KLHL1: variants seen among roughly 807,000 people sequenced by gnomAD.
KLHL1 encodes kelch-like protein 1.
A neutral mutation model predicts 77.7 loss-of-function variants in KLHL1; 47 were observed. The ratio of observed to expected loss-of-function variants is 0.60; its 90% CI spans 0.48 to 0.77. The LOEUF (loss-of-function observed/expected upper bound fraction) is 0.77, where lower values mean the gene tolerates loss of function less well. Ranked by LOEUF, KLHL1 falls within the 30% of genes least tolerant of loss-of-function variation. The pLI is 0.00. For synonymous variants in KLHL1, 360 were observed against 325.2 expected (o/e 1.11, Z -1.15); for missense variants, 925 against 910.8 (o/e 1.02, Z -0.20).
chr13:69,780,711 T>TATATATAC (rs1566243654), intron 7 of KLHL1, among the ~76,000 whole-genome samples: 13 of 40,016 alleles, frequency 3.2e-4, no homozygotes, highest in Non-Finnish European at 5.9e-4. Flanking sequence ...TGTATATATA[T>TATATATAC]ATATGTATAT....
At chr13:70,085,604 T>C (rs1887516688) in intron 1 of KLHL1, among the ~76,000 whole-genome samples, 1 of 152,154 alleles carries the variant, frequency 6.6e-6, no homozygotes, top group Admixed American at 6.6e-5. Flanking sequence ...TGGCTCGTGC[T>C]TGTAATCTCA....
chr13:69,932,945 A>G (rs2501229), intron 4 of KLHL1, among the ~76,000 whole-genome samples: 2 of 152,020 alleles, frequency 1.3e-5, no homozygotes, highest in African/African-American at 2.4e-5. Flanking sequence ...CCATAAAAAA[A>G]GAGTTCTCCA....
intron 1 of KLHL1, among the ~76,000 whole-genome samples, chr13:69,999,316 TG>T (rs1885230355): frequency 6.8e-6 from 1 of 148,136 alleles, no homozygotes; most frequent in Admixed American, 6.7e-5. Context: ...AGATCATCGG[TG>T]GTCACCTAAG....
intron 7 of KLHL1, among the ~76,000 whole-genome samples, chr13:69,767,223 A>G (rs1875347887): frequency 6.6e-6 from 1 of 152,248 alleles, no homozygotes; most frequent in Admixed American, 6.5e-5. Flanking sequence ...ATTTGCTTAA[A>G]GCAAAATATA....
intron 4 of KLHL1, among the ~76,000 whole-genome samples, chr13:69,933,947 G>A (rs1279306115): frequency 6.6e-6 from 1 of 151,836 alleles, no homozygotes; most frequent in Non-Finnish European, 1.5e-5. Context: ...ATGTAATCAC[G>A]GTATATTCAT....
chr13:69,834,486 A>C (rs186125666), intron 6 of KLHL1, among the ~76,000 whole-genome samples: 19 of 152,164 alleles, frequency 1.2e-4, no homozygotes, highest in Admixed American at 1.1e-3. Context: ...AATATTACAA[A>C]GGTGAATTTC....
intron 7 of KLHL1, among the ~76,000 whole-genome samples, chr13:69,777,462 C>T (rs543011744): frequency 6.6e-6 from 1 of 151,942 alleles, no homozygotes; most frequent in Non-Finnish European, 1.5e-5. Context: ...TAGATATTAT[C>T]CTTATATCTC....
At chr13:69,821,353 C>T (rs931675861) in intron 6 of KLHL1, among the ~76,000 whole-genome samples, 4 of 151,848 alleles carry the variant, frequency 2.6e-5, no homozygotes, top group South Asian at 4.1e-4. Context: ...CTCACTCTGT[C>T]GCCCAGGCTG....
At chr13:69,845,725 T>A (rs932163606) in intron 5 of KLHL1, among the ~76,000 whole-genome samples, 1 of 151,406 alleles carries the variant, frequency 6.6e-6, no homozygotes, top group Non-Finnish European at 1.5e-5. Flanking sequence ...AATACTAACA[T>A]GAATATTTCT....
chr13:70,055,414 C>T lies in KLHL1; in HGVS notation c.497+51789G>A, dbSNP rs74815109. ...CACCAGAACTGTCCTACAAGAAATG[C>T]TAAAAGGAGTTCTTCAATTTGAAAA... is the stretch of plus-strand genomic sequence containing the variant. On this transcript the variant is annotated intron_variant, in intron 1 of 10. Coordinates refer to ENST00000377844, the MANE Select transcript of KLHL1 (RefSeq NM_020866.3). Among the ~76,000 whole-genome samples the T allele has an allele frequency of 6.7e-3, 1,025 of 152,016 alleles. 13 individuals carry two copies. The highest frequency in any genetic ancestry group is 0.022 in the African/African-American group (931 of 41,482).
intron 2 of KLHL1, among the ~76,000 whole-genome samples, chr13:69,974,988 A>C (rs1201219427): frequency 6.6e-6 from 1 of 152,038 alleles, no homozygotes; most frequent in Non-Finnish European, 1.5e-5. Flanking sequence ...TTCCCCATGT[A>C]TTCCAAGACA....
chr13:70,016,739 A>G (rs1404522467), intron 1 of KLHL1, among the ~76,000 whole-genome samples: 2 of 152,148 alleles, frequency 1.3e-5, no homozygotes, highest in Non-Finnish European at 2.9e-5. Context: ...CTCCTGGACA[A>G]AAAGGGGCGG....
chr13:69,913,408 G>A (rs1882308168), intron 4 of KLHL1, among the ~76,000 whole-genome samples: 1 of 152,140 alleles, frequency 6.6e-6, no homozygotes, highest in African/African-American at 2.4e-5. Context: ...GCAGGGGAGA[G>A]GCATGGGGCA....
intron 3 of KLHL1, among the ~76,000 whole-genome samples, chr13:69,959,368 A>G (rs1883995080): frequency 6.6e-6 from 1 of 152,020 alleles, no homozygotes; most frequent in Non-Finnish European, 1.5e-5. Context: ...TTCCCTTTCC[A>G]GGAAACAATA....
At chr13:69,733,808 A>G (rs554286221) in intron 8 of KLHL1, among the ~76,000 whole-genome samples, 3 of 152,322 alleles carry the variant, frequency 2.0e-5, no homozygotes, top group Non-Finnish European at 4.4e-5. Flanking sequence ...GCTGAGCACA[A>G]GAATAAGTAA....
intron 1 of KLHL1, among the ~76,000 whole-genome samples, chr13:70,060,047 A>C (rs2137403515): frequency 6.6e-6 from 1 of 152,328 alleles, no homozygotes; most frequent in Non-Finnish European, 1.5e-5. Flanking sequence ...TAAAGGATTA[A>C]CAAGACAGAG....
intron 7 of KLHL1, among the ~76,000 whole-genome samples, chr13:69,780,743 T>C (rs201238671): frequency 1.8e-4 from 11 of 60,968 alleles, no homozygotes; most frequent in Non-Finnish European, 2.8e-4. Flanking sequence ...CATATATATA[T>C]ACATATATAT....
intron 1 of KLHL1, among the ~76,000 whole-genome samples, chr13:70,000,568 C>T (rs760942260): frequency 1.3e-5 from 2 of 151,826 alleles, no homozygotes; most frequent in South Asian, 2.1e-4. Context: ...AACTACCTTA[C>T]ATTACATAAC....
At chr13:69,881,949 A>G (rs1325014561) in intron 5 of KLHL1, among the ~76,000 whole-genome samples, 1 of 152,184 alleles carries the variant, frequency 6.6e-6, no homozygotes, top group Non-Finnish European at 1.5e-5. Flanking sequence ...TATTATGATT[A>G]GGCTTTTTAC....
Sources: allele counts gnomAD v4.1 joint callset (sites outside exome capture counted in the v4.1 genomes callset), GRCh38; gene constraint gnomAD v4.1.1; transcripts MANE v1.5; gene names NCBI Gene and HGNC (gene_info 2026-07-23, HGNC 2026-07-21).